Variants in PDS5A observed in about 807,000 individuals in gnomAD.
The protein encoded by PDS5A is PDS5 cohesin associated factor A, also known as sister chromatid cohesion protein PDS5 homolog A.
Under a neutral mutation model 167.1 loss-of-function variants are expected in PDS5A, and 42 were observed. The observed-to-expected ratio is 0.25, with a 90% confidence interval of 0.20 to 0.33. PDS5A has a LOEUF of 0.33. Ranked by LOEUF, PDS5A falls within the 10% of genes least tolerant of loss-of-function variation. The probability of loss-of-function intolerance (pLI) is 1.00; values close to 1 mark genes in which losing one functional copy is unlikely to be tolerated. For missense variants in PDS5A, 1,033 were observed against 1,605.9 expected (o/e 0.64, Z 6.10); for synonymous variants, 553 against 554.6 (o/e 1.00, Z 0.04).
Position 39,866,914 on chromosome 4 carries a change from T to C in PDS5A, c.2589A>G (p.Leu863=). 1 of 1,613,446 alleles carries C rather than the reference T, an allele frequency of 6.2e-7. No individual in the cohort carries two copies. Residue 863 remains leucine, a synonymous_variant, in exon 23 of 33, where the codon TTA becomes TTG. Transcript: ENST00000303538. ...CCTCACTAACCAACATCGCTGATAA[T>C]AACCGAAGGGTTGAATTGGCAGATT... The part of the protein sequence containing the change: ...QSKSANSTLR[L]LSAMLVSEGD...
At position 39,862,247 on chromosome 4, in the gene PDS5A, C is replaced by A; in HGVS notation, c.3058G>T (p.Asp1020Tyr). The A allele has an allele frequency of 6.6e-7, 1 of 1,518,580 alleles. No individual in the cohort carries two copies. Among genetic ancestry groups the A allele is most frequent in the East Asian group, 2.4e-5 (1 of 41,320 alleles). 94.1% of individuals were successfully genotyped at this position (1,518,580 alleles called of 1,614,324 possible). A position where few individuals can be genotyped will look rare whatever the true frequency, so the allele number is the denominator to read the frequency against. ...TTGATATCACGAAGCTGATCAACAT[C>A]TTGTGATCTTGTAAAATCTGGATCA... is the stretch of plus-strand genomic sequence containing the variant. Reference protein sequence around the residue: ...AHDPDFTRSQDVDQLRDIKEC... With the variant: ...AHDPDFTRSQYVDQLRDIKEC... The change falls in exon 26 of 33, where the codon GAT becomes TAT. Residue 1020 changes from aspartate (D) to tyrosine (Y), a missense_variant. Coordinates refer to ENST00000303538, the MANE Select transcript of PDS5A (RefSeq NM_001100399.2).
In PDS5A at chr4:39,829,950, C is replaced by CAAAAAAAAAAAAAAAA. The variant is rs1158287221; in HGVS notation, c.4011-4478_4011-4463dup. Among the ~76,000 whole-genome samples the CAAAAAAAAAAAAAAAA allele has an allele frequency of 1.2e-4, 8 of 67,304 alleles. 1 individual carries two copies. Among genetic ancestry groups the CAAAAAAAAAAAAAAAA allele is most frequent in the East Asian group, 7.0e-4 (1 of 1,428 alleles). The allele number at this position is 67,304 out of a possible 152,430, so 44.2% of individuals were successfully genotyped here. On this transcript the variant is annotated intron_variant, in intron 32 of 32. Coordinates refer to ENST00000303538, the MANE Select transcript of PDS5A (RefSeq NM_001100399.2). The stretch of plus-strand genomic sequence containing the variant: ...TGGGCGACAGACTGAGACTCCAACT[C>CAAAAAAAAAAAAAAAA]AAAAAAAAAAAAAAAAAAAAAAAAA...
At position 39,911,032 on chromosome 4, in the gene PDS5A, G is replaced by T. The variant is rs114767500; in HGVS notation, c.993-694C>A. Among the ~76,000 whole-genome samples the T allele has an allele frequency of 4.4e-3, 668 of 152,226 alleles. 5 individuals are homozygous for T. The highest frequency in any genetic ancestry group is 0.016 in the African/African-American group (646 of 41,546). The stretch of plus-strand genomic sequence containing the variant: ...CCCTGTAGTCCCAGCTACTTGGGAG[G>T]GTGAGGTGGAAGGACTGCTTGAGCC... On this transcript the variant is annotated intron_variant, in intron 9 of 32. Transcript: ENST00000303538.
At chr4:39,826,189 T>G (rs113238311) in intron 32 of PDS5A, among the ~76,000 whole-genome samples, 2 of 151,738 alleles carry the variant, frequency 1.3e-5, no homozygotes, top group South Asian at 2.1e-4. Flanking sequence ...GGCGTGTTTT[T>G]TTTTTTTTTT....
intron 17 of PDS5A, among the ~76,000 whole-genome samples, chr4:39,886,694 C>G (rs138475147): frequency 3.3e-5 from 5 of 150,550 alleles, no homozygotes; most frequent in African/African-American, 1.2e-4. Flanking sequence ...GCCTGGGCAA[C>G]AAGAGTGAAA....
chr4:39,864,445 G>A (rs897367725), intron 23 of PDS5A, among the ~76,000 whole-genome samples: 5 of 152,238 alleles, frequency 3.3e-5, no homozygotes, highest in African/African-American at 1.2e-4. Flanking sequence ...CCCCGACACT[G>A]TGGATTTTTA....
rs1380526775 is a variant in PDS5A at position 39,879,795 on chromosome 4, G to C, written c.1925C>G (p.Thr642Arg). 1.9e-6 allele frequency: 3 copies of C among 1,611,312 alleles called. No individual in the cohort carries two copies. In the Admixed American group the frequency reaches 5.0e-5, roughly 27 times the overall value. Reference protein sequence around the residue: ...VKLMNKSIEGTADDEEEGVSP... With the variant: ...VKLMNKSIEGRADDEEEGVSP... ...TACACCCTCCTCTTCATCATCTGCTGTCCCCTCTATTGACTTATTCATCAA... is the reference window on the plus strand; with the variant it reads ...TACACCCTCCTCTTCATCATCTGCTCTCCCCTCTATTGACTTATTCATCAA... Residue 642 changes from threonine (T) to arginine (R), a missense_variant, in exon 18 of 33, where the codon ACA (threonine) becomes AGA (arginine). Thr to Arg is a moderately conservative substitution (Grantham distance 71, BLOSUM62 -1). This residue lies in a region of PDS5A where 367 missense variants were observed against 686.7 expected (regional missense o/e 0.53). Transcript: ENST00000303538.
At chr4:39,916,221 T>C (rs1333440954) in intron 8 of PDS5A, among the ~76,000 whole-genome samples, 1 of 150,720 alleles carries the variant, frequency 6.6e-6, no homozygotes, top group African/African-American at 2.4e-5. Flanking sequence ...AAAAAGAGAC[T>C]GAGACAAGAG....
intron 23 of PDS5A, among the ~76,000 whole-genome samples, chr4:39,863,906 G>A (rs921538945): frequency 6.6e-6 from 1 of 152,112 alleles, no homozygotes; most frequent in East Asian, 1.9e-4. Context: ...CGAGGTGGAC[G>A]GATCACGAGG....
At chr4:39,853,358 G>A (rs1199209748) in intron 26 of PDS5A, among the ~76,000 whole-genome samples, 1 of 152,166 alleles carries the variant, frequency 6.6e-6, no homozygotes, top group African/African-American at 2.4e-5. Context: ...TAGCTGAGAA[G>A]CTTGATATAA....
intron 4 of PDS5A, among the ~76,000 whole-genome samples, chr4:39,926,242 C>T (rs1037916091): frequency 6.6e-6 from 1 of 151,914 alleles, no homozygotes; most frequent in Admixed American, 6.6e-5. Flanking sequence ...AAGATAGAGG[C>T]CGGGCCCGGT....
rs533499907 is a variant in PDS5A at position 39,902,798 on chromosome 4, C to T, written c.1386-338G>A. Among the ~76,000 whole-genome samples the T allele has an allele frequency of 1.9e-3, 282 of 152,210 alleles. 1 individual carries two copies. Among genetic ancestry groups the T allele is most frequent in the Non-Finnish European group, 3.6e-3 (248 of 68,022 alleles). On this transcript the variant is annotated intron_variant, in intron 12 of 32. Transcript: ENST00000303538. Reference sequence around the variant, plus strand: ...TTAGCGTCCTGAAGTGCTGGGATTACGACGGGCATGAGGCACCACACCCAG... The same window carrying T: ...TTAGCGTCCTGAAGTGCTGGGATTATGACGGGCATGAGGCACCACACCCAG...
At chr4:39,897,710 T>A (rs1722543815) in intron 16 of PDS5A, among the ~76,000 whole-genome samples, 1 of 152,078 alleles carries the variant, frequency 6.6e-6, no homozygotes, top group Non-Finnish European at 1.5e-5. Context: ...CCAAAAAATT[T>A]AAAAACTTAG....
At chr4:39,867,773 CACCCCA>C (rs1719672654) in intron 22 of PDS5A, among the ~76,000 whole-genome samples, 10 of 125,880 alleles carry the variant, frequency 7.9e-5, no homozygotes, top group Admixed American at 2.5e-4. Context: ...CACACACACA[CACCCCA>C]CAACTGTACT....
At chr4:39,964,694 C>CA (rs1267867967) in intron 2 of PDS5A, among the ~76,000 whole-genome samples, 10 of 150,234 alleles carry the variant, frequency 6.7e-5, no homozygotes, top group Non-Finnish European at 1.3e-4. Flanking sequence ...GACTCCATCT[C>CA]AAAAAATAAT....
chr4:39,881,997 G>A (rs1388678884), intron 17 of PDS5A, among the ~76,000 whole-genome samples: 1 of 152,178 alleles, frequency 6.6e-6, no homozygotes, highest in Non-Finnish European at 1.5e-5. Flanking sequence ...CACCATGTAA[G>A]ATGTCACTTT....
chr4:39,916,065 TCAAA>T (rs1432397484), intron 8 of PDS5A, among the ~76,000 whole-genome samples: 2 of 151,874 alleles, frequency 1.3e-5, no homozygotes, highest in African/African-American at 4.8e-5. Context: ...AGAACCCCTC[TCAAA>T]CAAACAAACA....
At position 39,877,032 on chromosome 4, in the gene PDS5A, G is replaced by T; in HGVS notation, c.2114C>A (p.Thr705Lys). Residue 705 changes from threonine (T) to lysine (K), a missense_variant, in exon 19 of 33, where the codon ACA (threonine) becomes AAA (lysine). Coordinates refer to ENST00000303538, the MANE Select transcript of PDS5A (RefSeq NM_001100399.2). ...AAGGTCTGTTTCTATTTTGTGACCT[G>T]TATTTCTAAAAATTTGAATAGCAGC... ...AEAAIQIFRN[T>K]GHKIETDLPQ... 6.2e-7 allele frequency: 1 copy of T among 1,612,452 alleles called. No homozygotes were observed. Among genetic ancestry groups the T allele is most frequent in the Non-Finnish European group, 8.5e-7 (1 of 1,178,816 alleles).
At chr4:39,932,302 T>C (rs113476023) in intron 2 of PDS5A, among the ~76,000 whole-genome samples, 4 of 152,216 alleles carry the variant, frequency 2.6e-5, no homozygotes, top group Non-Finnish European at 5.9e-5. Flanking sequence ...GTACCCACCA[T>C]GCTATTAGGA....
Sources: gnomAD v4.1 joint callset for allele counts (sites outside exome capture counted in the v4.1 genomes callset) on GRCh38, gnomAD v4.1.1 for gene constraint, gnomAD v4.1.1 regional missense constraint, MANE v1.5 for transcripts, NCBI Gene and HGNC (gene_info 2026-07-23, HGNC 2026-07-21) for gene names.